CCSER1: variants seen among roughly 807,000 people sequenced by gnomAD.
CCSER1 encodes serine-rich coiled-coil domain-containing protein 1.
CCSER1 carries 41 observed loss-of-function variants against 82.0 expected under a neutral mutation model. That is an observed-to-expected ratio of 0.50 (90% CI 0.39 to 0.65). The LOEUF is 0.65. Ranked by LOEUF, CCSER1 falls within the 30% of genes least tolerant of loss-of-function variation. The probability of loss-of-function intolerance (pLI) is 0.00; values close to 1 mark genes in which losing one functional copy is unlikely to be tolerated. For synonymous variants in CCSER1, 414 were observed against 383.9 expected (o/e 1.08, Z -0.92); for missense variants, 1,119 against 1,064.2 (o/e 1.05, Z -0.72).
chr4:91,297,365 T>TTGTGTGTGTGTGTGTGTG (rs764634343), intron 10 of CCSER1, among the ~76,000 whole-genome samples: 3 of 128,814 alleles, frequency 2.3e-5, no homozygotes, highest in Admixed American at 7.8e-5. Context: ...GAATGGATGC[T>TTGTGTGTGTGTGTGTGTG]TGTGTGTGTG....
intron 8 of CCSER1, among the ~76,000 whole-genome samples, chr4:90,921,975 T>C (rs1347085001): frequency 6.6e-6 from 1 of 151,972 alleles, no homozygotes; most frequent in Admixed American, 6.6e-5. Flanking sequence ...TCATTTGAAA[T>C]TTAGTTTGGA....
intron 10 of CCSER1, among the ~76,000 whole-genome samples, chr4:91,267,514 T>G (rs1273849060): frequency 2.6e-5 from 4 of 152,182 alleles, no homozygotes; most frequent in African/African-American, 9.7e-5. Context: ...GACTTTAATT[T>G]CTATTGATAA....
intron 9 of CCSER1, among the ~76,000 whole-genome samples, chr4:90,966,010 G>T (rs1328836735): frequency 6.6e-6 from 1 of 151,860 alleles, no homozygotes; most frequent in Non-Finnish European, 1.5e-5. Context: ...TATTTGAGCA[G>T]GCAAATAAAT....
At chr4:90,896,676 A>G (rs1168284945) in intron 8 of CCSER1, among the ~76,000 whole-genome samples, 1 of 151,900 alleles carries the variant, frequency 6.6e-6, no homozygotes, top group Non-Finnish European at 1.5e-5. Flanking sequence ...CAATACTGGG[A>G]GCACTGGTGA....
intron 10 of CCSER1, among the ~76,000 whole-genome samples, chr4:91,327,921 C>A (rs1337150776): frequency 2.6e-5 from 4 of 152,150 alleles, no homozygotes; most frequent in Non-Finnish European, 5.9e-5. Flanking sequence ...TAAAGCATAA[C>A]AAGAATGACC....
chr4:91,378,209 C>T (rs1358587932), intron 10 of CCSER1, among the ~76,000 whole-genome samples: 1 of 152,090 alleles, frequency 6.6e-6, no homozygotes, highest in Non-Finnish European at 1.5e-5. Flanking sequence ...GTTCTTTTGG[C>T]TTAGGATTGT....
intron 10 of CCSER1, among the ~76,000 whole-genome samples, chr4:91,354,363 G>A (rs1420141137): frequency 6.6e-6 from 1 of 152,176 alleles, no homozygotes; most frequent in East Asian, 1.9e-4. Context: ...ATGGCTTAAT[G>A]GTGCCAATTA....
chr4:90,746,578 C>G (rs1747520057), intron 7 of CCSER1, among the ~76,000 whole-genome samples: 1 of 152,072 alleles, frequency 6.6e-6, no homozygotes, highest in Admixed American at 6.5e-5. Context: ...GTAGGGAATT[C>G]AGTGTCAGAT....
chr4:90,173,355 C>A (rs1397125700), intron 1 of CCSER1, among the ~76,000 whole-genome samples: 2 of 150,100 alleles, frequency 1.3e-5, no homozygotes, highest in Non-Finnish European at 3.0e-5. Context: ...AAAAATGATT[C>A]TTCAGGATAA....
In CCSER1 at chr4:90,150,965, A is replaced by T. The variant is rs531812871; in HGVS notation, c.-42+23134A>T. Among the ~76,000 whole-genome samples the T allele has an allele frequency of 4.6e-5, 7 of 151,406 alleles. No individual in the cohort carries two copies. In the East Asian group the frequency reaches 1.2e-3, roughly 25 times the overall value. The stretch of plus-strand genomic sequence containing the variant: ...CTAAAATCTTTTTGAATAGATTGTT[A>T]TTTTTTTTTCCTCCTCACAAAAGCG... On this transcript the variant is annotated intron_variant, in intron 1 of 10. Transcript: ENST00000509176.
intron 5 of CCSER1, among the ~76,000 whole-genome samples, chr4:90,502,824 C>G (rs1770115704): frequency 1.3e-5 from 2 of 152,110 alleles, no homozygotes; most frequent in Non-Finnish European, 2.9e-5. Context: ...TTATACCAGA[C>G]AGACTATAGC....
At chr4:91,032,296 T>C (rs1250008615) in intron 9 of CCSER1, among the ~76,000 whole-genome samples, 1 of 152,164 alleles carries the variant, frequency 6.6e-6, no homozygotes, top group Non-Finnish European at 1.5e-5. Context: ...GAATAATGTC[T>C]AACCCATCTA....
At chr4:91,470,944 A>T (rs958181900) in intron 10 of CCSER1, among the ~76,000 whole-genome samples, 1 of 152,212 alleles carries the variant, frequency 6.6e-6, no homozygotes, top group Non-Finnish European at 1.5e-5. Context: ...TCATTCCTGC[A>T]TATTCTAATG....
intron 10 of CCSER1, among the ~76,000 whole-genome samples, chr4:91,383,316 A>G (rs1462775697): frequency 1.3e-5 from 2 of 152,104 alleles, no homozygotes; most frequent in East Asian, 1.9e-4. Flanking sequence ...TCATTCTTCA[A>G]GCTTTCCTAA....
intron 5 of CCSER1, among the ~76,000 whole-genome samples, chr4:90,509,613 C>G (rs1274968221): frequency 6.6e-6 from 1 of 152,066 alleles, no homozygotes; most frequent in Non-Finnish European, 1.5e-5. Context: ...AGAGATTAAC[C>G]TTTTCATTCT....
intron 3 of CCSER1, among the ~76,000 whole-genome samples, chr4:90,360,007 C>T (rs1008861084): frequency 6.7e-6 from 1 of 148,728 alleles, no homozygotes; most frequent in Non-Finnish European, 1.5e-5. Flanking sequence ...CAACCTCTGC[C>T]TCCCAGGTTA....
intron 5 of CCSER1, among the ~76,000 whole-genome samples, chr4:90,492,733 G>A (rs1768259993): frequency 6.6e-6 from 1 of 152,056 alleles, no homozygotes; most frequent in African/African-American, 2.4e-5. Context: ...TGTTCTCATT[G>A]GTTTCAAAGA....
intron 10 of CCSER1, among the ~76,000 whole-genome samples, chr4:91,534,192 T>A (rs1439872427): frequency 6.6e-6 from 1 of 152,036 alleles, no homozygotes; most frequent in African/African-American, 2.4e-5. Context: ...TATTGGCCTA[T>A]TTATACCTTT....
At chr4:90,180,120 TTATA>T (rs59586682) in intron 1 of CCSER1, among the ~76,000 whole-genome samples, 40,011 of 140,186 alleles carry the variant, frequency 0.29, 6,709 homozygotes, top group East Asian at 0.6. Flanking sequence ...GCTTATGTAG[TTATA>T]TATATATATA....
Sources: allele counts gnomAD v4.1 joint callset (sites outside exome capture counted in the v4.1 genomes callset), GRCh38; gene constraint gnomAD v4.1.1; transcripts MANE v1.5; gene names NCBI Gene and HGNC (gene_info 2026-07-23, HGNC 2026-07-21).